The following GABRG3 variants were observed in gnomAD, a reference collection of about 807,000 sequenced individuals.
GABRG3 encodes the protein gamma-aminobutyric acid type A receptor subunit gamma3, also known as gamma-aminobutyric acid receptor subunit gamma-3.
A neutral mutation model predicts 48.8 loss-of-function variants in GABRG3; 25 were observed. The ratio of observed to expected loss-of-function variants is 0.51; its 90% CI spans 0.37 to 0.72. The LOEUF (loss-of-function observed/expected upper bound fraction) is 0.72. GABRG3 is among the 30% of genes least tolerant of loss of function. The probability of loss-of-function intolerance (pLI) is 0.00; values close to 1 mark genes in which losing one functional copy is unlikely to be tolerated. For synonymous variants in GABRG3, 227 were observed against 217.6 expected (o/e 1.04, Z -0.38); for missense variants, 394 against 577.9 (o/e 0.68, Z 3.26).
At chr15:27,220,815 T>C (rs1398166076) in intron 3 of GABRG3, among the ~76,000 whole-genome samples, 2 of 152,126 alleles carry the variant, frequency 1.3e-5, no homozygotes, top group South Asian at 4.1e-4. Context: ...AGATTTTTCC[T>C]TTATTTCCAT....
intron 5 of GABRG3, among the ~76,000 whole-genome samples, chr15:27,367,563 C>G (rs9707878): frequency 6.6e-6 from 1 of 151,818 alleles, no homozygotes; most frequent in South Asian, 2.1e-4. Context: ...CATTGCATAG[C>G]GAGAGAAAGA....
intron 3 of GABRG3, among the ~76,000 whole-genome samples, chr15:27,164,752 A>G (rs1041947649): frequency 6.6e-6 from 1 of 152,254 alleles, no homozygotes; most frequent in African/African-American, 2.4e-5. Flanking sequence ...TGGCTGTAAT[A>G]TCACATTGGT....
chr15:27,256,455 A>G (rs114974868), intron 3 of GABRG3, among the ~76,000 whole-genome samples: 4,410 of 140,746 alleles, frequency 0.031, 233 homozygotes, highest in African/African-American at 0.11. Context: ...AAAAAAAAAA[A>G]GAAAACAAAC....
intron 3 of GABRG3, among the ~76,000 whole-genome samples, chr15:27,301,221 T>C (rs947114928): frequency 3.9e-5 from 6 of 152,152 alleles, no homozygotes; most frequent in Non-Finnish European, 2.9e-5. Context: ...GAGGTAATTA[T>C]AGTTGAAAAC....
chr15:27,214,863 CCTT>C (rs1315368077), intron 3 of GABRG3, among the ~76,000 whole-genome samples: 1 of 152,118 alleles, frequency 6.6e-6, no homozygotes, highest in East Asian at 1.9e-4. Context: ...GAGTAAAGCT[CCTT>C]CTCTGCCAGT....
rs11857381 is a variant in GABRG3, at chr15:27,294,373, C to A, written c.271-32436C>A. On this transcript the variant is annotated intron_variant, in intron 3 of 9. Coordinates refer to ENST00000615808, the MANE Select transcript of GABRG3 (RefSeq NM_033223.5). ...CTGGGACCACAGGTGTGCACCACCA[C>A]GCCCAGCTAATTTTTGTATTTTTGG... Among the ~76,000 whole-genome samples the A allele has an allele frequency of 3.9e-5, 6 of 151,968 alleles. No homozygotes were observed. In the East Asian group the frequency reaches 1.2e-3, roughly 29 times the overall value.
chr15:27,330,548 G>A (rs945562786), intron 5 of GABRG3, among the ~76,000 whole-genome samples: 6 of 152,224 alleles, frequency 3.9e-5, no homozygotes, highest in Non-Finnish European at 8.8e-5. Context: ...GTAAAAATGT[G>A]TTTAAATCAT....
At chr15:27,448,467 C>T (rs79192439) in intron 5 of GABRG3, among the ~76,000 whole-genome samples, 41 of 152,256 alleles carry the variant, frequency 2.7e-4, no homozygotes, top group African/African-American at 9.6e-4. Flanking sequence ...ATGATTATGC[C>T]TGAAAAAATA....
intron 3 of GABRG3, among the ~76,000 whole-genome samples, chr15:27,232,934 G>A (rs1488087922): frequency 1.3e-5 from 2 of 152,216 alleles, no homozygotes; most frequent in African/African-American, 4.8e-5. Flanking sequence ...TTCCCTCGGA[G>A]GCTGTGGTCA....
chr15:27,070,196 C>T (rs113470697), intron 3 of GABRG3, among the ~76,000 whole-genome samples: 4,229 of 152,342 alleles, frequency 0.028, 80 homozygotes, highest in Middle Eastern at 0.071. Context: ...TTGCAACAGC[C>T]TGAATGCAGT....
intron 3 of GABRG3, among the ~76,000 whole-genome samples, chr15:27,115,012 T>A (rs1002327976): frequency 1.1e-4 from 17 of 152,194 alleles, no homozygotes; most frequent in African/African-American, 3.9e-4. Context: ...TAGATAAATG[T>A]TGATAACTTT....
chr15:27,263,260 GT>G (rs1212211285), intron 3 of GABRG3, among the ~76,000 whole-genome samples: 2 of 152,184 alleles, frequency 1.3e-5, no homozygotes, highest in Non-Finnish European at 2.9e-5. Context: ...CCAGAATCTT[GT>G]TTTCCAGAGT....
intron 3 of GABRG3, among the ~76,000 whole-genome samples, chr15:27,089,384 C>T (rs1016672647): frequency 6.6e-6 from 1 of 152,122 alleles, no homozygotes; most frequent in Non-Finnish European, 1.5e-5. Context: ...GCAGTGTCCT[C>T]TGTGGGGAGC....
intron 2 of GABRG3, among the ~76,000 whole-genome samples, chr15:26,998,060 A>G (rs554596374): frequency 2.4e-4 from 37 of 152,266 alleles, no homozygotes; most frequent in African/African-American, 7.0e-4. Context: ...TTTTTCTCCA[A>G]TTGCTCCTGG....
chr15:27,486,832 G>A (rs976587497), intron 6 of GABRG3, among the ~76,000 whole-genome samples: 1 of 152,164 alleles, frequency 6.6e-6, no homozygotes, highest in African/African-American at 2.4e-5. Context: ...GGAGAATTGA[G>A]AGATTTACGC....
intron 3 of GABRG3, among the ~76,000 whole-genome samples, chr15:27,130,396 G>T (rs1897895668): frequency 6.6e-6 from 1 of 151,992 alleles, no homozygotes; most frequent in Non-Finnish European, 1.5e-5. Flanking sequence ...TTGTTCCACT[G>T]GTCTAGATAT....
At chr15:27,284,050 G>T (rs1891527038) in intron 3 of GABRG3, among the ~76,000 whole-genome samples, 1 of 152,108 alleles carries the variant, frequency 6.6e-6, no homozygotes, top group Non-Finnish European at 1.5e-5. Context: ...GTGCAAGGGG[G>T]GAGGCAGAGT....
intron 5 of GABRG3, among the ~76,000 whole-genome samples, chr15:27,413,473 G>A (rs148869169): frequency 6.6e-6 from 1 of 152,294 alleles, no homozygotes; most frequent in African/African-American, 2.4e-5. Flanking sequence ...AAAGCAACGT[G>A]TGTGATAACA....
chr15:27,262,934 T>A (rs1355764293), intron 3 of GABRG3, among the ~76,000 whole-genome samples: 1 of 152,226 alleles, frequency 6.6e-6, no homozygotes. Context: ...AAACACATAT[T>A]TTCTCCACTG....
Sources: gnomAD v4.1 joint callset for allele counts (sites outside exome capture counted in the v4.1 genomes callset) on GRCh38, gnomAD v4.1.1 for gene constraint, MANE v1.5 for transcripts, NCBI Gene and HGNC (gene_info 2026-07-23, HGNC 2026-07-21) for gene names.